Variants in COLEC10 observed in about 807,000 individuals in gnomAD.
The protein encoded by COLEC10 is collectin-10.
Under a neutral mutation model 28.4 loss-of-function variants are expected in COLEC10, and 22 were observed. That is an observed-to-expected ratio of 0.78 (90% CI 0.55 to 1.11). The LOEUF is 1.11. Among genes scored for constraint, COLEC10 ranks in the 50% least tolerant of loss-of-function variants. The pLI is 0.00. For synonymous variants in COLEC10, 125 were observed against 116.1 expected (o/e 1.08, Z -0.49); for missense variants, 361 against 344.1 (o/e 1.05, Z -0.39).
the COLEC10 span, among the ~76,000 whole-genome samples, chr8:118,956,332 G>A: frequency 6.6e-6 from 1 of 152,194 alleles, no homozygotes; most frequent in Non-Finnish European, 1.5e-5. Flanking sequence ...GTTGAAGGGT[G>A]TAATTCTCTG....
intron 1 of COLEC10, among the ~76,000 whole-genome samples, chr8:119,087,648 A>G (rs1815506469): frequency 6.6e-6 from 1 of 152,038 alleles, no homozygotes; most frequent in Non-Finnish European, 1.5e-5. Flanking sequence ...GCCTAAAAGG[A>G]AACAAAAACT....
chr8:118,964,687 T>C, the COLEC10 span, among the ~76,000 whole-genome samples: 1 of 152,210 alleles, frequency 6.6e-6, no homozygotes, highest in Non-Finnish European at 1.5e-5. Flanking sequence ...TTCAATATAA[T>C]GTAGCATAGA....
At chr8:118,968,990 A>G in the COLEC10 span, among the ~76,000 whole-genome samples, 4 of 152,060 alleles carry the variant, frequency 2.6e-5, no homozygotes, top group African/African-American at 9.7e-5. Context: ...ATAGCAAAAG[A>G]GGTTTCACAT....
chr8:119,034,415 TAAA>T (rs372730726), intron 2 of COLEC10, among the ~76,000 whole-genome samples: 3,880 of 137,928 alleles, frequency 0.028, 156 homozygotes, highest in African/African-American at 0.096. Context: ...TTACAGTATT[TAAA>T]AAAAAAAAAA....
chr8:119,087,676 C>A (rs375587510), intron 1 of COLEC10, among the ~76,000 whole-genome samples: 1 of 152,008 alleles, frequency 6.6e-6, no homozygotes, highest in African/African-American at 2.4e-5. Flanking sequence ...TTTCTGCAAC[C>A]CCCCTTTTTG....
chr8:118,981,466 A>G, the COLEC10 span, among the ~76,000 whole-genome samples: 1 of 152,002 alleles, frequency 6.6e-6, no homozygotes, highest in Non-Finnish European at 1.5e-5. Context: ...TTATCTCCCA[A>G]TGGTTATACT....
intron 2 of COLEC10, among the ~76,000 whole-genome samples, chr8:119,056,759 T>A (rs1355938656): frequency 6.6e-6 from 1 of 152,044 alleles, no homozygotes; most frequent in Non-Finnish European, 1.5e-5. Flanking sequence ...TTTCTAATAT[T>A]GGCATTCTTT....
chr8:119,033,510 T>C (rs1814330525), intron 2 of COLEC10, among the ~76,000 whole-genome samples: 1 of 152,122 alleles, frequency 6.6e-6, no homozygotes. Flanking sequence ...GACAAAGGGC[T>C]AATATCTAGA....
At chr8:119,049,401 CTTTTTT>C (rs34885340) in intron 2 of COLEC10, among the ~76,000 whole-genome samples, 12 of 60,070 alleles carry the variant, frequency 2.0e-4, no homozygotes, top group African/African-American at 8.1e-4. Flanking sequence ...ATTTTCTTTT[CTTTTTT>C]TTTTTTTTTT....
chr8:119,094,901 A>G (rs902380513), intron 3 of COLEC10, among the ~76,000 whole-genome samples: 11 of 152,220 alleles, frequency 7.2e-5, no homozygotes, highest in Admixed American at 1.3e-4. Context: ...GATACTCCAT[A>G]ATAAAATACT....
intron 2 of COLEC10, among the ~76,000 whole-genome samples, chr8:119,039,268 A>G (rs1814450770): frequency 6.6e-6 from 1 of 152,250 alleles, no homozygotes; most frequent in East Asian, 1.9e-4. Flanking sequence ...CTTACCCTGC[A>G]GTTTTCAATA....
intron 1 of COLEC10, among the ~76,000 whole-genome samples, chr8:119,077,168 G>A (rs914579304): frequency 2.0e-5 from 3 of 151,346 alleles, no homozygotes; most frequent in Non-Finnish European, 4.4e-5. Context: ...TCCTCAATTG[G>A]AGCACACTTA....
In COLEC10 at chr8:119,102,364, A is replaced by T; in HGVS notation, c.309A>T (p.Lys103Asn). 4.4e-6 allele frequency: 7 copies of T among 1,606,694 alleles called. No individual in the cohort carries two copies. Among genetic ancestry groups the T allele is most frequent in the Non-Finnish European group, 6.0e-6 (7 of 1,175,918 alleles). Residue 103 changes from lysine to asparagine, a missense_variant, in exon 4 of 6, where the codon AAA (lysine) becomes AAT (asparagine). Coordinates refer to ENST00000332843, the MANE Select transcript of COLEC10 (RefSeq NM_006438.5). ...TTTTTTCAGGTGACAAAGGGGAAAAAGGTTTGCTTGGAATACCTGGAGAAA... is the reference window on the plus strand; with the variant it reads ...TTTTTTCAGGTGACAAAGGGGAAAATGGTTTGCTTGGAATACCTGGAGAAA... ...PIGKKGDKGE[K>N]GLLGIPGEKG...
intron 2 of COLEC10, among the ~76,000 whole-genome samples, chr8:119,027,889 T>C (rs1034152326): frequency 6.6e-6 from 1 of 152,188 alleles, no homozygotes; most frequent in Non-Finnish European, 1.5e-5. Flanking sequence ...TATAATGTGG[T>C]TCATTGAACT....
At chr8:118,960,785 G>GAA in the COLEC10 span, among the ~76,000 whole-genome samples, 210 of 72,376 alleles carry the variant, frequency 2.9e-3, 2 homozygotes, top group East Asian at 9.3e-3. Context: ...GAGACTCTGT[G>GAA]AAAAAAAAAA....
intron 2 of COLEC10, among the ~76,000 whole-genome samples, chr8:119,009,975 A>ACC (rs1813876161): frequency 6.6e-6 from 1 of 150,880 alleles, no homozygotes; most frequent in Admixed American, 6.6e-5. Context: ...GCTATCAAAA[A>ACC]GAGTGGTGCA....
intron 2 of COLEC10, among the ~76,000 whole-genome samples, chr8:119,016,251 T>C (rs1390439136): frequency 3.9e-5 from 6 of 152,148 alleles, no homozygotes; most frequent in Admixed American, 3.9e-4. Context: ...ATTGTTCACC[T>C]TCCGCTTATA....
At chr8:119,094,343 T>C (rs1173019372) in intron 3 of COLEC10, among the ~76,000 whole-genome samples, 1 of 152,172 alleles carries the variant, frequency 6.6e-6, no homozygotes, top group Non-Finnish European at 1.5e-5. Flanking sequence ...AATTTACATA[T>C]AACACCAATA....
chr8:119,013,766 G>T (rs1345978991), intron 2 of COLEC10, among the ~76,000 whole-genome samples: 2 of 150,394 alleles, frequency 1.3e-5, no homozygotes, highest in East Asian at 3.9e-4. Flanking sequence ...AGTCTTGTTT[G>T]TCTGGAATTC....
Sources: allele counts gnomAD v4.1 joint callset (sites outside exome capture counted in the v4.1 genomes callset), GRCh38; gene constraint gnomAD v4.1.1; transcripts MANE v1.5; gene names NCBI Gene and HGNC (gene_info 2026-07-23, HGNC 2026-07-21).